The following THOC5 variants were observed in gnomAD, a reference collection of about 807,000 sequenced individuals.
THOC5 encodes the protein THO complex subunit 5.
In THOC5, 43 loss-of-function variants were observed where a neutral mutation model predicts 92.9. That is an observed-to-expected ratio of 0.46 (90% CI 0.36 to 0.60). THOC5 has a LOEUF of 0.60. Among genes scored for constraint, THOC5 ranks in the 20% least tolerant of loss-of-function variants. The pLI is 0.00. For missense variants in THOC5, 659 were observed against 849.4 expected (o/e 0.78, Z 2.79); for synonymous variants, 296 against 320.1 (o/e 0.92, Z 0.80).
chr22:29,518,881 C>T (rs370634154), intron 15 of THOC5, 125 bp downstream of exon 15: 7 of 738,464 alleles, frequency 9.5e-6, no homozygotes, highest in East Asian at 5.3e-5. Flanking sequence ...ATGCCCACTC[C>T]GTAAAGCCAG....
At chr22:29,544,838 C>T (rs1204671359) in intron 2 of THOC5, among the ~76,000 whole-genome samples, 1 of 152,092 alleles carries the variant, frequency 6.6e-6, no homozygotes, top group Non-Finnish European at 1.5e-5. Flanking sequence ...TCAGAATATA[C>T]AGAGGAGTAT....
chr22:29,526,003 C>A (rs1004416946), intron 11 of THOC5, 57 bp from the exon 12 acceptor site: 3 of 1,305,394 alleles, frequency 2.3e-6, no homozygotes, highest in Admixed American at 1.8e-5. Flanking sequence ...GCAGAGTGAA[C>A]AGAGTCATAG....
chr22:29,523,958 G>C lies in THOC5; in HGVS notation c.1175+1880C>G, dbSNP rs188836340. Among the ~76,000 whole-genome samples, 88 of 152,344 alleles carry C rather than the reference G, an allele frequency of 5.8e-4. No individual in the cohort carries two copies. In the Middle Eastern group the frequency reaches 0.01, roughly 18 times the overall value. On this transcript the variant is annotated intron_variant, in intron 12 of 19. Transcript: ENST00000490103. ...AAAGGCAGCCTGTATTTGAGCAAAG[G>C]CTTCTGGGCTGGGAGCCCAGAGTCT...
At chr22:29,539,685 C>A (rs1448452790) in intron 5 of THOC5, among the ~76,000 whole-genome samples, 1 of 152,142 alleles carries the variant, frequency 6.6e-6, no homozygotes, top group Non-Finnish European at 1.5e-5. Context: ...TCCATGCTGT[C>A]CAACCTTTTT....
intron 12 of THOC5, 147 bp from the exon 13 acceptor site, chr22:29,521,246 T>C (rs985171224): frequency 1.5e-6 from 1 of 646,380 alleles, no homozygotes; most frequent in Admixed American, 2.6e-5. Flanking sequence ...AGACCGTTTA[T>C]ATGCTTGAGG....
chr22:29,541,506 C>CAA lies in THOC5; in HGVS notation c.452+1351_452+1352dup, dbSNP rs34069596. Among the ~76,000 whole-genome samples the CAA allele has an allele frequency of 3.5e-3, 307 of 88,800 alleles. 2 individuals carry two copies. Among genetic ancestry groups the CAA allele is most frequent in the African/African-American group, 0.01 (215 of 21,288 alleles). The allele number at this position is 88,800 out of a possible 152,430, so 58.3% of individuals were successfully genotyped here. A position where few individuals can be genotyped will look rare whatever the true frequency, so the allele number is the denominator to read the frequency against. On this transcript the variant is annotated intron_variant, in intron 5 of 19. Coordinates refer to ENST00000490103, the MANE Select transcript of THOC5 (RefSeq NM_003678.5). ...GGGTGACAGGAGTGAGACCCTGTCT[C>CAA]AAAAAAAAAAAAAAAAAAAGACAAA...
chr22:29,537,362 C>T lies in THOC5; in HGVS notation c.600-624G>A, dbSNP rs533017074. ...AAATTTCCTAAGAACCAGACTCGGCCGGGAATGGTGGCTCATGCCTGTAAT... is the reference window on the plus strand; with the variant it reads ...AAATTTCCTAAGAACCAGACTCGGCTGGGAATGGTGGCTCATGCCTGTAAT... On this transcript the variant is annotated intron_variant, in intron 6 of 19. Coordinates refer to ENST00000490103, the MANE Select transcript of THOC5 (RefSeq NM_003678.5). Among the ~76,000 whole-genome samples, 41 of 152,308 alleles carry T rather than the reference C, an allele frequency of 2.7e-4. No homozygotes were observed. The South Asian group carries it at 7.5e-3, about 28-fold the overall frequency.
chr22:29,550,071 C>T (rs547196084), intron 1 of THOC5, among the ~76,000 whole-genome samples: 10 of 152,202 alleles, frequency 6.6e-5, no homozygotes, highest in South Asian at 4.2e-4. Context: ...CCAAACTCCT[C>T]GGTCTGGCAT....
intron 5 of THOC5, among the ~76,000 whole-genome samples, chr22:29,541,395 T>C (rs550048335): frequency 6.7e-6 from 1 of 148,934 alleles, no homozygotes; most frequent in East Asian, 2.0e-4. Flanking sequence ...TAGTCCCAGC[T>C]ACTCAGGAGG....
At position 29,507,894 on chromosome 22, in the gene THOC5, CCT is replaced by C. The variant is rs1436597779; in HGVS notation, c.*561_*562del. The C allele has an allele frequency of 6.5e-6, 1 of 154,292 alleles. No individual in the cohort carries two copies. Among genetic ancestry groups the C allele is most frequent in the South Asian group, 2.0e-4 (1 of 4,958 alleles). The allele number at this position is 154,292 out of a possible 1,614,324, so 9.6% of individuals were successfully genotyped here. A position where few individuals can be genotyped will look rare whatever the true frequency, so the allele number is the denominator to read the frequency against. Reference sequence around the variant, plus strand: ...GCAGGGGGTGTTGGTGCCCCTAACCCCTGAGTTGTTCAAGGATCAACTGAGTT... The same window carrying C: ...GCAGGGGGTGTTGGTGCCCCTAACCCGAGTTGTTCAAGGATCAACTGAGTT... On this transcript the variant is annotated 3_prime_UTR_variant, in exon 20 of 20. Coordinates refer to ENST00000490103, the MANE Select transcript of THOC5 (RefSeq NM_003678.5).
At chr22:29,529,853 T>C (rs2063617454) in intron 8 of THOC5, among the ~76,000 whole-genome samples, 1 of 152,092 alleles carries the variant, frequency 6.6e-6, no homozygotes, top group Non-Finnish European at 1.5e-5. Flanking sequence ...ACTTGAAAAA[T>C]AGTAGCTGCC....
At chr22:29,529,017 C>T in intron 9 of THOC5, 145 bp downstream of exon 9, 1 of 783,536 alleles carries the variant, frequency 1.3e-6, no homozygotes, top group Non-Finnish European at 2.1e-6. Flanking sequence ...AGTGAGCTCT[C>T]TTTCCTGTCT....
chr22:29,508,578 AT>A lies in THOC5; in HGVS notation c.1989-59del, dbSNP rs1177955872. ...CACACCTTCTAGGCTGATAAAATAAATTATGGTTCATTCACACAAGGGAAAA... is the reference window on the plus strand; with the variant it reads ...CACACCTTCTAGGCTGATAAAATAAATATGGTTCATTCACACAAGGGAAAA... On this transcript the variant is annotated intron_variant, in intron 19 of 19. Coordinates refer to ENST00000490103, the MANE Select transcript of THOC5 (RefSeq NM_003678.5). The A allele has an allele frequency of 2.1e-6, 3 of 1,451,620 alleles. No homozygotes were observed. In the East Asian group the frequency reaches 6.8e-5, roughly 33 times the overall value. The allele number at this position is 1,451,620 out of a possible 1,614,324, so 89.9% of individuals were successfully genotyped here. A position where few individuals can be genotyped will look rare whatever the true frequency, so the allele number is the denominator to read the frequency against.
chr22:29,525,749 C>A, intron 12 of THOC5, 89 bp downstream of exon 12: 1 of 1,027,132 alleles, frequency 9.7e-7, no homozygotes, highest in South Asian at 1.4e-5. Flanking sequence ...CTCTCCAGAG[C>A]CAGAGGGAGG....
At chr22:29,541,450 G>A (rs1368583244) in intron 5 of THOC5, among the ~76,000 whole-genome samples, 1 of 147,012 alleles carries the variant, frequency 6.8e-6, no homozygotes, top group African/African-American at 2.5e-5. Flanking sequence ...CAAGGCTGCA[G>A]TGAGCCAGGA....
At chr22:29,544,651 C>A in intron 2 of THOC5, 48 bp from the exon 3 acceptor site, 1 of 1,484,386 alleles carries the variant, frequency 6.7e-7, no homozygotes, top group East Asian at 2.5e-5. Flanking sequence ...TAAAAGTCTC[C>A]CTGCTGGGAT....
intron 19 of THOC5, 66 bp from the exon 20 acceptor site, chr22:29,508,586 T>G (rs2063164336): frequency 1.4e-6 from 2 of 1,404,554 alleles, no homozygotes; most frequent in South Asian, 2.4e-5. Context: ...AAATTATGGT[T>G]CATTCACACA....
Position 29,542,912 on chromosome 22 carries a change from C to T in THOC5, c.399G>A (p.Leu133=). ...VDAYHLQLQN[L]LYEVMHLQKE... is the part of the protein sequence containing the mutation. ...TCTGTAGGTGCATCACCTCATACAA[C>T]AGGTTCTGGAGCTGCAGATGATAGG... The change falls in exon 5 of 20, where the codon CTG becomes CTA. Residue 133 remains leucine (L), a synonymous_variant. Transcript: ENST00000490103. The T allele has an allele frequency of 6.2e-7, 1 of 1,613,490 alleles. No individual in the cohort carries two copies. The highest frequency in any genetic ancestry group is 8.5e-7 in the Non-Finnish European group (1 of 1,179,716).
intron 8 of THOC5, chr22:29,531,580 A>G (rs2063656232): frequency 4.1e-6 from 5 of 1,219,544 alleles, no homozygotes; most frequent in Non-Finnish European, 5.1e-6. Context: ...TTCTGCACCC[A>G]AGAGCTGTCC....
Sources: gnomAD v4.1 joint callset for allele counts (sites outside exome capture counted in the v4.1 genomes callset) on GRCh38, gnomAD v4.1.1 for gene constraint, MANE v1.5 for transcripts, NCBI Gene and HGNC (gene_info 2026-07-23, HGNC 2026-07-21) for gene names.